The following TTLL11 variants were observed in gnomAD, a reference collection of about 807,000 sequenced individuals.
The protein encoded by TTLL11 is tubulin tyrosine ligase like 11.
TTLL11 carries 42 observed loss-of-function variants against 51.7 expected under a neutral mutation model. The ratio of observed to expected loss-of-function variants is 0.81; its 90% CI spans 0.64 to 1.05. The LOEUF (loss-of-function observed/expected upper bound fraction) is 1.05, where lower values mean the gene tolerates loss of function less well. TTLL11 is among the 50% of genes least tolerant of loss of function. The probability of loss-of-function intolerance (pLI) is 0.00; values close to 1 mark genes in which losing one functional copy is unlikely to be tolerated. For missense variants in TTLL11, 799 were observed against 940.4 expected, an observed-to-expected ratio of 0.85 and a Z score of 1.97; for synonymous variants, 381 against 383.5, an observed-to-expected ratio of 0.99 and a Z score of 0.08.
intron 1 of TTLL11, among the ~76,000 whole-genome samples, chr9:122,087,328 G>T (rs1360983140): frequency 6.6e-6 from 1 of 152,002 alleles, no homozygotes; most frequent in African/African-American, 2.4e-5. Flanking sequence ...TCGTGCCTCA[G>T]CCTCTCAATA....
chr9:122,092,860 G>T lies in TTLL11; in HGVS notation c.289C>A (p.Gln97Lys). 1 of 1,572,026 alleles carries T rather than the reference G, an allele frequency of 6.4e-7. No individual in the cohort carries two copies. Among genetic ancestry groups the T allele is most frequent in the Non-Finnish European group, 8.6e-7 (1 of 1,166,424 alleles). Reference protein sequence around the residue: ...TLPPSKPKPVQGLCPHGKPRD... With the variant: ...TLPPSKPKPVKGLCPHGKPRD... ...GGCTTCCCGTGCGGGCAGAGGCCCT[G>T]CACCGGCTTCGGCTTGGACGGGGGC... Residue 97 changes from glutamine (Q) to lysine (K), a missense_variant, in exon 1 of 9, where the codon CAG becomes AAG. This residue lies in a region of TTLL11 where 166 missense variants were observed against 161.6 expected (regional missense o/e 1.03). Transcript: ENST00000321582.
At chr9:122,014,553 C>T (rs751568031) in intron 3 of TTLL11, among the ~76,000 whole-genome samples, 2 of 152,224 alleles carry the variant, frequency 1.3e-5, no homozygotes, top group African/African-American at 4.8e-5. Context: ...TTGGACCATC[C>T]GTCTCCTCTG....
rs1296338615 is a variant in TTLL11 at position 122,093,194 on chromosome 9, C to CGCCGCT, written c.-52_-47dup. On this transcript the variant is annotated 5_prime_UTR_variant, in exon 1 of 9. Coordinates refer to ENST00000321582, the MANE Select transcript of TTLL11 (RefSeq NM_001139442.2). ...GTGCCAGTGCCACCGCCGCCGCCGC[C>CGCCGCT]GCCGCTCCGCCGCCCCAGTCCGCCA... 6.7e-7 allele frequency: 1 copy of CGCCGCT among 1,488,960 alleles called. No individual in the cohort carries two copies. The highest frequency in any genetic ancestry group is 2.3e-5 in the Admixed American group (1 of 43,980). 92.2% of individuals were successfully genotyped at this position (1,488,960 alleles called of 1,614,324 possible).
intron 6 of TTLL11, among the ~76,000 whole-genome samples, chr9:121,947,246 A>G (rs1352336337): frequency 6.6e-6 from 1 of 152,184 alleles, no homozygotes; most frequent in Non-Finnish European, 1.5e-5. Context: ...TATTTACACC[A>G]TGGAAATAGA....
Position 122,031,778 on chromosome 9 carries a change from T to C in TTLL11, c.638A>G (p.Asn213Ser), listed in dbSNP as rs1227958368. Reference protein sequence around the residue: ...TMQNLFPEEYNFYPRSWILPD... With the variant: ...TMQNLFPEEYSFYPRSWILPD... ...CAGAATCCATGAGCGAGGGTAGAAG[T>C]TGTACTCCTCAGGAAAGAGATTCTG... Residue 213 changes from asparagine (N) to serine (S), a missense_variant, in exon 3 of 9, where the codon AAC (asparagine) becomes AGC (serine). Transcript: ENST00000321582. 1.9e-6 allele frequency: 3 copies of C among 1,613,628 alleles called. No homozygotes were observed. The highest frequency in any genetic ancestry group is 3.3e-5 in the Admixed American group (2 of 59,990).
In TTLL11 at chr9:121,989,411, G is replaced by C; in HGVS notation, c.1053C>G (p.Ser351Arg). ...HLTNYSLNIH[S>R]GNFIHSDSAS... The stretch of plus-strand genomic sequence containing the variant: ...CACTGTCCGAGTGGATGAAGTTGCC[G>C]CTGTGGATGTTCAGTGAATAGTTGG... Residue 351 changes from serine to arginine, a missense_variant, in exon 4 of 9, where the codon AGC (serine) becomes AGG (arginine). Coordinates refer to ENST00000321582, the MANE Select transcript of TTLL11 (RefSeq NM_001139442.2). The surrounding 1 kb of genome is among the most constrained non-coding windows in gnomAD (Gnocchi z 4.2). 1 of 1,614,176 alleles carries C rather than the reference G, an allele frequency of 6.2e-7. No individual in the cohort carries two copies. The highest frequency in any genetic ancestry group is 8.5e-7 in the Non-Finnish European group (1 of 1,180,038).
intron 1 of TTLL11, among the ~76,000 whole-genome samples, chr9:122,091,748 A>G (rs147730750): frequency 9.1e-4 from 139 of 152,088 alleles, no homozygotes; most frequent in African/African-American, 3.3e-3. Flanking sequence ...AACTCCTGAC[A>G]CTCCTGAAAG....
chr9:121,973,407 C>T (rs1842622917), intron 6 of TTLL11, among the ~76,000 whole-genome samples: 1 of 152,186 alleles, frequency 6.6e-6, no homozygotes, highest in Non-Finnish European at 1.5e-5. Flanking sequence ...TTGTACTTTT[C>T]CTGTGCTTGA....
chr9:121,960,431 G>T (rs553419766), intron 6 of TTLL11, among the ~76,000 whole-genome samples: 1 of 152,074 alleles, frequency 6.6e-6, no homozygotes, highest in Non-Finnish European at 1.5e-5. Context: ...TGCTCTGAGA[G>T]CCCCATGTCC....
At chr9:122,091,661 A>G (rs1846262867) in intron 1 of TTLL11, among the ~76,000 whole-genome samples, 1 of 152,260 alleles carries the variant, frequency 6.6e-6, no homozygotes. Context: ...GCACAGGGCT[A>G]AGAACCTGAG....
Position 122,092,735 on chromosome 9 carries a change from G to A in TTLL11, c.414C>T (p.Thr138=). The part of the protein sequence containing the change: ...PVTVDSSKAR[T]SLDALKISIR... ...TGCTGATCTTCAGGGCATCCAGGGA[G>A]GTCCTGGCCTTGGAGCTGTCCACGG... The change falls in exon 1 of 9, where the codon ACC becomes ACT. Residue 138 remains threonine, a synonymous_variant. Coordinates refer to ENST00000321582, the MANE Select transcript of TTLL11 (RefSeq NM_001139442.2). 2 of 1,538,058 alleles carry A rather than the reference G, an allele frequency of 1.3e-6. No homozygotes were observed. The highest frequency in any genetic ancestry group is 1.7e-6 in the Non-Finnish European group (2 of 1,147,406).
chr9:122,004,659 C>T (rs187901431), intron 3 of TTLL11, among the ~76,000 whole-genome samples: 1 of 152,302 alleles, frequency 6.6e-6, no homozygotes, highest in African/African-American at 2.4e-5. Flanking sequence ...TTCCAACGCC[C>T]TTATGAGATA....
intron 8 of TTLL11, among the ~76,000 whole-genome samples, chr9:121,858,469 G>A (rs754629242): frequency 2.0e-5 from 3 of 152,220 alleles, no homozygotes; most frequent in African/African-American, 4.8e-5. Context: ...TGCCTGCAGA[G>A]TGCTTGGCAT....
intron 1 of TTLL11, among the ~76,000 whole-genome samples, chr9:122,056,621 T>C (rs1845297291): frequency 6.6e-6 from 1 of 152,082 alleles, no homozygotes; most frequent in Non-Finnish European, 1.5e-5. Flanking sequence ...GCGGTGATGA[T>C]GGGGTGTGTA....
At chr9:121,876,219 A>G (rs1029595462) in intron 6 of TTLL11, among the ~76,000 whole-genome samples, 2 of 152,262 alleles carry the variant, frequency 1.3e-5, no homozygotes, top group African/African-American at 4.8e-5. Context: ...TTTGATTTAA[A>G]TCAAATCAGA....
intron 8 of TTLL11, among the ~76,000 whole-genome samples, chr9:121,834,969 C>T (rs60781322): frequency 6.6e-6 from 1 of 152,084 alleles, no homozygotes; most frequent in Non-Finnish European, 1.5e-5. Context: ...TTTCTTTTCA[C>T]CCTGCTGGAC....
intron 3 of TTLL11, among the ~76,000 whole-genome samples, chr9:122,006,497 T>C (rs983321014): frequency 3.9e-5 from 6 of 152,006 alleles, no homozygotes; most frequent in South Asian, 2.1e-4. Context: ...AGTGATTATA[T>C]AGGAAAATAG....
At chr9:121,913,042 T>G (rs1162483682) in intron 6 of TTLL11, among the ~76,000 whole-genome samples, 1 of 152,208 alleles carries the variant, frequency 6.6e-6, no homozygotes, top group African/African-American at 2.4e-5. Context: ...AAGACTGCAG[T>G]GAACTCTGGC....
rs2416850 is a variant in TTLL11 at position 122,058,634 on chromosome 9, G to A, written c.463-19266C>T. Among the ~76,000 whole-genome samples the A allele has an allele frequency of 2.1e-3, 326 of 152,262 alleles. 3 individuals carry two copies. Among genetic ancestry groups the A allele is most frequent in the African/African-American group, 5.1e-3 (212 of 41,548 alleles). ...ATATGATGGGAGAGGGGACTAGCGC[G>A]TATGGCCATCTTTATCAAATTTTGG... is the stretch of plus-strand genomic sequence containing the variant. On this transcript the variant is annotated intron_variant, in intron 1 of 8. Transcript: ENST00000321582.
Sources: allele counts gnomAD v4.1 joint callset (sites outside exome capture counted in the v4.1 genomes callset), GRCh38; gene constraint gnomAD v4.1.1; regional missense constraint gnomAD v4.1.1; non-coding constraint Gnocchi (gnomAD v3.1); transcripts MANE v1.5; gene names NCBI Gene and HGNC (gene_info 2026-07-23, HGNC 2026-07-21).